The following GPC5 variants were observed in gnomAD, a reference collection of about 807,000 sequenced individuals.
GPC5 encodes glypican 5.
A neutral mutation model predicts 53.9 loss-of-function variants in GPC5; 47 were observed. The ratio of observed to expected loss-of-function variants is 0.87; its 90% CI spans 0.69 to 1.11. The LOEUF (loss-of-function observed/expected upper bound fraction) is 1.11. Ranked by LOEUF, GPC5 falls within the 50% of genes most tolerant of loss-of-function variation. The pLI, the probability that GPC5 is intolerant of heterozygous loss-of-function variation, is 0.00. For synonymous variants in GPC5, 286 were observed against 263.3 expected (o/e 1.09, Z -0.84); for missense variants, 748 against 713.1 (o/e 1.05, Z -0.56).
chr13:91,893,338 T>C (rs1315205529), intron 5 of GPC5, among the ~76,000 whole-genome samples: 1 of 152,064 alleles, frequency 6.6e-6, no homozygotes, highest in Non-Finnish European at 1.5e-5. Context: ...TAAAACCAAC[T>C]TATTTATTAA....
chr13:92,815,804 G>GT (rs1189254809), intron 7 of GPC5, among the ~76,000 whole-genome samples: 6 of 151,788 alleles, frequency 4.0e-5, no homozygotes, highest in Admixed American at 1.3e-4. Flanking sequence ...ATATGAGAAG[G>GT]TAAAAAATCA....
intron 4 of GPC5, among the ~76,000 whole-genome samples, chr13:91,750,014 T>C (rs1445595996): frequency 6.6e-6 from 1 of 152,198 alleles, no homozygotes; most frequent in African/African-American, 2.4e-5. Flanking sequence ...TTAGCCATGT[T>C]GGCCAGGCTG....
chr13:92,309,198 A>G (rs2043130155), intron 7 of GPC5, among the ~76,000 whole-genome samples: 1 of 152,092 alleles, frequency 6.6e-6, no homozygotes, highest in Non-Finnish European at 1.5e-5. Context: ...AAAATGTGCA[A>G]TTTCTGATTG....
intron 2 of GPC5, among the ~76,000 whole-genome samples, chr13:91,633,488 T>C (rs924133132): frequency 6.6e-6 from 1 of 152,136 alleles, no homozygotes; most frequent in Admixed American, 6.6e-5. Context: ...GTATGTTCTA[T>C]TCACTCTGCC....
At chr13:92,583,545 C>G (rs1883437121) in intron 7 of GPC5, among the ~76,000 whole-genome samples, 1 of 152,110 alleles carries the variant, frequency 6.6e-6, no homozygotes, top group Non-Finnish European at 1.5e-5. Flanking sequence ...ACAGTGGAGT[C>G]ATTACTGTCT....
At chr13:92,318,967 G>T (rs1419839586) in intron 7 of GPC5, among the ~76,000 whole-genome samples, 1 of 152,074 alleles carries the variant, frequency 6.6e-6, no homozygotes, top group African/African-American at 2.4e-5. Context: ...AGTGTTGTTT[G>T]GTTGGTGGAA....
intron 6 of GPC5, among the ~76,000 whole-genome samples, chr13:92,113,281 A>G (rs2041572961): frequency 6.6e-6 from 1 of 152,154 alleles, no homozygotes; most frequent in Non-Finnish European, 1.5e-5. Context: ...TGTGTTATCT[A>G]CCATCAAGGT....
intron 7 of GPC5, among the ~76,000 whole-genome samples, chr13:92,226,258 A>G (rs2042485198): frequency 6.6e-6 from 1 of 152,214 alleles, no homozygotes; most frequent in South Asian, 2.1e-4. Flanking sequence ...AGTTTATAGC[A>G]GTGTGAAAAC....
intron 7 of GPC5, among the ~76,000 whole-genome samples, chr13:92,758,056 A>G (rs975753017): frequency 5.3e-5 from 8 of 150,646 alleles, no homozygotes; most frequent in African/African-American, 1.7e-4. Context: ...GGCACTATTC[A>G]CAATAGCAAA....
chr13:91,912,739 T>G (rs199958911), intron 6 of GPC5, among the ~76,000 whole-genome samples: 2 of 49,170 alleles, frequency 4.1e-5, no homozygotes, highest in South Asian at 3.9e-3. Context: ...TTGTGACCAG[T>G]TTTTTATGAT....
At chr13:91,766,341 T>C (rs555181272) in intron 5 of GPC5, among the ~76,000 whole-genome samples, 15 of 152,214 alleles carry the variant, frequency 9.9e-5, no homozygotes, top group Non-Finnish European at 1.9e-4. Context: ...CTTCTCACTA[T>C]TCTCTTTCAT....
rs1424084877 is a variant in GPC5 at position 92,083,407 on chromosome 13, GA to G, written c.1402-61419del. On this transcript the variant is annotated intron_variant, in intron 6 of 7. Transcript: ENST00000377067. ...TAAGGTCTAGGTGACCTTTCTTCCA[GA>G]AAAGAAAAAAACATATATAGAGTCA... Among the ~76,000 whole-genome samples the G allele has an allele frequency of 2.6e-5, 4 of 151,582 alleles. No individual in the cohort carries two copies. The South Asian group carries it at 8.3e-4, about 31-fold the overall frequency.
intron 7 of GPC5, among the ~76,000 whole-genome samples, chr13:92,431,808 TTA>T (rs1231051578): frequency 3.3e-5 from 5 of 152,122 alleles, no homozygotes; most frequent in African/African-American, 1.2e-4. Flanking sequence ...AAAAGGCTGT[TTA>T]TGTGTCCTAG....
At chr13:92,121,906 A>T (rs1420065419) in intron 6 of GPC5, among the ~76,000 whole-genome samples, 2 of 152,202 alleles carry the variant, frequency 1.3e-5, no homozygotes, top group Non-Finnish European at 2.9e-5. Context: ...AAAGAGAAAA[A>T]AATTAGGATT....
chr13:92,124,382 A>G (rs1333823612), intron 6 of GPC5, among the ~76,000 whole-genome samples: 1 of 152,096 alleles, frequency 6.6e-6, no homozygotes, highest in African/African-American at 2.4e-5. Flanking sequence ...GGAGGACTCC[A>G]TGGTAGAAAC....
chr13:92,628,841 A>C (rs933727302), intron 7 of GPC5, among the ~76,000 whole-genome samples: 13 of 152,194 alleles, frequency 8.5e-5, no homozygotes, highest in Non-Finnish European at 1.8e-4. Context: ...GAACTAGAAG[A>C]AGTTCTGAGG....
chr13:92,701,951 G>T (rs1887758327), intron 7 of GPC5, among the ~76,000 whole-genome samples: 1 of 152,084 alleles, frequency 6.6e-6, no homozygotes, highest in Non-Finnish European at 1.5e-5. Context: ...TCAGGGGACA[G>T]GATAGGACTT....
intron 7 of GPC5, among the ~76,000 whole-genome samples, chr13:92,159,682 A>G (rs1319438796): frequency 2.2e-5 from 3 of 136,194 alleles, no homozygotes; most frequent in African/African-American, 8.3e-5. Flanking sequence ...AGTTCACTGC[A>G]AGCTCCGCCT....
In GPC5 at chr13:92,646,958, GTGTGTGTGTA is replaced by G. The variant is rs1885794417; in HGVS notation, c.1562-219322_1562-219313del. ...TGTGTGTGTGTGTGTGTGTGTGTGT[GTGTGTGTGTA>G]TATAAACCTGGCATTCTATGACCTT... On this transcript the variant is annotated intron_variant, in intron 7 of 7. Coordinates refer to ENST00000377067, the MANE Select transcript of GPC5 (RefSeq NM_004466.6). 9.3e-5 allele frequency among the ~76,000 whole-genome samples: 14 copies of G among 150,892 alleles called. 1 individual carries two copies. The South Asian group carries it at 2.3e-3, about 25-fold the overall frequency.
Sources: gnomAD v4.1 joint callset for allele counts (sites outside exome capture counted in the v4.1 genomes callset) on GRCh38, gnomAD v4.1.1 for gene constraint, MANE v1.5 for transcripts, NCBI Gene and HGNC (gene_info 2026-07-23, HGNC 2026-07-21) for gene names.